Variants in IRX3 observed in about 807,000 individuals in gnomAD.
IRX3 encodes the protein iroquois-class homeodomain protein IRX-3.
IRX3 carries 20 observed loss-of-function variants against 36.4 expected under a neutral mutation model. That is an observed-to-expected ratio of 0.55 (90% CI 0.39 to 0.80). The LOEUF is 0.80. Among genes scored for constraint, IRX3 ranks in the 30% least tolerant of loss-of-function variants. IRX3 has a pLI of 0.00. For missense variants in IRX3, 718 were observed against 733.2 expected (o/e 0.98, Z 0.24); for synonymous variants, 404 against 351.6 (o/e 1.15, Z -1.67).
At position 54,286,099 on chromosome 16, in the gene IRX3, C is replaced by G; in HGVS notation, c.-49G>C. 1 of 1,215,960 alleles carries G rather than the reference C, an allele frequency of 8.2e-7. No homozygotes were observed. Among genetic ancestry groups the G allele is most frequent in the Non-Finnish European group, 1.0e-6 (1 of 970,522 alleles). The allele number at this position is 1,215,960 out of a possible 1,614,324, so 75.3% of individuals were successfully genotyped here. ...AGAGGGGGGCCGACCCCCGGGCCGC[C>G]CAGCTCAGCGCCGCCCGCGGGCTCC... On this transcript the variant is annotated 5_prime_UTR_variant, in exon 1 of 4. Coordinates refer to ENST00000329734, the MANE Select transcript of IRX3 (RefSeq NM_024336.3).
In IRX3 at chr16:54,285,568, C is replaced by T. The variant is rs1177235211; in HGVS notation, c.313G>A (p.Ala105Thr). Reference protein sequence around the residue: ...LKDSPGVQHPAAAAAFPHPHP... With the variant: ...LKDSPGVQHPTAAAAFPHPHP... ...GGGTGCGGAAACGCGGCAGCCGCGG[C>T]CGGATGCTGCACCCCGGGGCTGTCC... Residue 105 changes from alanine (A) to threonine (T), a missense_variant, in exon 2 of 4, where the codon GCC becomes ACC. By Grantham distance (58) the Ala-to-Thr change is moderately conservative (BLOSUM62 0). Transcript: ENST00000329734. The surrounding 1 kb of genome is among the most constrained non-coding windows in gnomAD (Gnocchi z 5.7). The T allele has an allele frequency of 2.5e-6, 4 of 1,586,360 alleles. No individual in the cohort carries two copies. The highest frequency in any genetic ancestry group is 3.4e-6 in the Non-Finnish European group (4 of 1,166,086).
At position 54,285,032 on chromosome 16, in the gene IRX3, T is replaced by C. The variant is rs749587099; in HGVS notation, c.849A>G (p.Gly283=). 21 of 1,613,480 alleles carry C rather than the reference T, an allele frequency of 1.3e-5. No individual in the cohort carries two copies. The South Asian group carries it at 1.9e-4, about 14-fold the overall frequency. ...CGCTATTTTTGGAGTCCGAAATGGG[T>C]CCCAGGCCTAGGTCGCCATCCCTGC... is the stretch of plus-strand genomic sequence containing the variant. ...AARRDGDLGL[G]PISDSKNSDS... Residue 283 remains glycine (G), a synonymous_variant, in exon 2 of 4, where the codon GGA becomes GGG. Transcript: ENST00000329734. This position sits in a 1 kb window ranked among gnomAD's most constrained non-coding sequence, Gnocchi z 5.7.
Position 54,284,348 on chromosome 16 carries a change from A to C in IRX3, c.1385-36T>G. ...CGGGGGAAGAAAAAGGAGGGCCTTT[A>C]GAGCGCTCGGTGCCGGCGCCCAGGG... On this transcript the variant is annotated intron_variant, in intron 2 of 3. Coordinates refer to ENST00000329734, the MANE Select transcript of IRX3 (RefSeq NM_024336.3). The surrounding 1 kb of genome is among the most constrained non-coding windows in gnomAD (Gnocchi z 4.0). The C allele has an allele frequency of 6.3e-7, 1 of 1,588,154 alleles. No individual in the cohort carries two copies. The highest frequency in any genetic ancestry group is 8.5e-7 in the Non-Finnish European group (1 of 1,169,748).
Position 54,284,696 on chromosome 16 carries a change from G to T in IRX3, c.1185C>A (p.His395Gln). 7.0e-7 allele frequency: 1 copy of T among 1,423,296 alleles called. No homozygotes were observed. Among genetic ancestry groups the T allele is most frequent in the South Asian group, 1.5e-5 (1 of 65,736 alleles). 88.2% of individuals were successfully genotyped at this position (1,423,296 alleles called of 1,614,324 possible). A position where few individuals can be genotyped will look rare whatever the true frequency, so the allele number is the denominator to read the frequency against. ...TGCCCAGCGGCGCTGAGACCAGTCTGTGAGCGGCGGCGGCGGCGGCGGCCG... is the reference window on the plus strand; with the variant it reads ...TGCCCAGCGGCGCTGAGACCAGTCTTTGAGCGGCGGCGGCGGCGGCGGCCG... ...LSPAAAAAAAHRLVSAPLGKF... is the reference protein window; with the variant it reads ...LSPAAAAAAAQRLVSAPLGKF... Residue 395 changes from histidine (H) to glutamine (Q), a missense_variant, in exon 2 of 4, where the codon CAC becomes CAA. Physicochemically the swap from His to Gln is conservative, Grantham distance 24. This residue lies in a region of IRX3 where 468 missense variants were observed against 462.1 expected (regional missense o/e 1.01). Coordinates refer to ENST00000329734, the MANE Select transcript of IRX3 (RefSeq NM_024336.3). The surrounding 1 kb of genome is among the most constrained non-coding windows in gnomAD (Gnocchi z 4.0).
In IRX3 at chr16:54,284,202, C is replaced by G; in HGVS notation, c.1451+44G>C. On this transcript the variant is annotated intron_variant, in intron 3 of 3. Coordinates refer to ENST00000329734, the MANE Select transcript of IRX3 (RefSeq NM_024336.3). This position sits in a 1 kb window ranked among gnomAD's most constrained non-coding sequence, Gnocchi z 4.0. ...TGGTGCTCGGCGTCCTCTCCTTTCC[C>G]CGCCAGCCAGTCCCCCTGGCCCCTC... The G allele has an allele frequency of 6.4e-7, 1 of 1,571,790 alleles. No individual in the cohort carries two copies. Among genetic ancestry groups the G allele is most frequent in the Non-Finnish European group, 8.7e-7 (1 of 1,146,248 alleles).
At position 54,286,379 on chromosome 16, in the gene IRX3, G is replaced by A; in HGVS notation, c.-329C>T. On this transcript the variant is annotated 5_prime_UTR_variant, in exon 1 of 4. Coordinates refer to ENST00000329734, the MANE Select transcript of IRX3 (RefSeq NM_024336.3). ...TCGGCCGCCGGAGCTGCCTCTGCCC[G>A]CTCCTCGCTCCTCACTGCCCTCCTC... 1.0e-6 allele frequency: 1 copy of A among 986,826 alleles called. No individual in the cohort carries two copies. Among genetic ancestry groups the A allele is most frequent in the Non-Finnish European group, 1.2e-6 (1 of 831,074 alleles). The allele number at this position is 986,826 out of a possible 1,614,324, so 61.1% of individuals were successfully genotyped here.
Position 54,286,096 on chromosome 16 carries a change from C to A in IRX3, c.-46G>T, listed in dbSNP as rs1328638869. ...CGGAGAGGGGGGCCGACCCCCGGGC[C>A]GCCCAGCTCAGCGCCGCCCGCGGGC... On this transcript the variant is annotated 5_prime_UTR_variant, in exon 1 of 4. Transcript: ENST00000329734. 4.1e-6 allele frequency: 5 copies of A among 1,216,380 alleles called. No individual in the cohort carries two copies. Among genetic ancestry groups the A allele is most frequent in the Admixed American group, 4.5e-5 (1 of 22,060 alleles). The allele number at this position is 1,216,380 out of a possible 1,614,324, so 75.3% of individuals were successfully genotyped here.
At position 54,283,468 on chromosome 16, in the gene IRX3, A is replaced by G; in HGVS notation, c.*218T>C. 1 of 485,894 alleles carries G rather than the reference A, an allele frequency of 2.1e-6. No homozygotes were observed. The highest frequency in any genetic ancestry group is 3.7e-6 in the Non-Finnish European group (1 of 267,926). 30.1% of individuals were successfully genotyped at this position (485,894 alleles called of 1,614,324 possible). ...ACCCCCCAAAATCAACCGGACAAAC[A>G]AACCTCACAGCGAATGCGGGGTGCC... On this transcript the variant is annotated 3_prime_UTR_variant, in exon 4 of 4. Coordinates refer to ENST00000329734, the MANE Select transcript of IRX3 (RefSeq NM_024336.3). This position sits in a 1 kb window ranked among gnomAD's most constrained non-coding sequence, Gnocchi z 4.4.
chr16:54,284,099 GA>G lies in IRX3; in HGVS notation c.1451+146del. ...TGTCGCAGGGCCGACAGGGGCGACT[GA>G]AAAAGTGACTTTCGTCCCCTTTTAC... On this transcript the variant is annotated intron_variant, in intron 3 of 3. Transcript: ENST00000329734. This position sits in a 1 kb window ranked among gnomAD's most constrained non-coding sequence, Gnocchi z 4.0. 1 of 1,135,270 alleles carries G rather than the reference GA, an allele frequency of 8.8e-7. No individual in the cohort carries two copies. The highest frequency in any genetic ancestry group is 1.2e-6 in the Non-Finnish European group (1 of 815,024). 70.3% of individuals were successfully genotyped at this position (1,135,270 alleles called of 1,614,324 possible). A position where few individuals can be genotyped will look rare whatever the true frequency, so the allele number is the denominator to read the frequency against.
Position 54,285,655 on chromosome 16 carries a change from C to G in IRX3, c.268-42G>C, listed in dbSNP as rs754727932. The G allele has an allele frequency of 2.7e-6, 4 of 1,475,196 alleles. No individual in the cohort carries two copies. Among genetic ancestry groups the G allele is most frequent in the South Asian group, 2.8e-5 (2 of 72,048 alleles). 91.4% of individuals were successfully genotyped at this position (1,475,196 alleles called of 1,614,324 possible). A position where few individuals can be genotyped will look rare whatever the true frequency, so the allele number is the denominator to read the frequency against. On this transcript the variant is annotated intron_variant, in intron 1 of 3. Transcript: ENST00000329734. The surrounding 1 kb of genome is among the most constrained non-coding windows in gnomAD (Gnocchi z 5.7). ...AAGGAAGGGACACGCGCGGAGGGAG[C>G]GCGAGTGAGCCCCAGCCATCGCTGC... is the stretch of plus-strand genomic sequence containing the variant.
rs1462704566 is a variant in IRX3, at chr16:54,283,713, C to A, written c.1479G>T (p.Leu493=). Residue 493 remains leucine (L), a synonymous_variant, in exon 4 of 4, where the codon CTG becomes CTT. Coordinates refer to ENST00000329734, the MANE Select transcript of IRX3 (RefSeq NM_024336.3). This position sits in a 1 kb window ranked among gnomAD's most constrained non-coding sequence, Gnocchi z 4.4. The part of the protein sequence containing the change: ...RRPQNHLDAA[L]VLSALSSS ...AGGATGAGGAGAGAGCCGATAAGACCAGGGCGGCGTCCAGATGGTTCTGGG... is the reference window on the plus strand; with the variant it reads ...AGGATGAGGAGAGAGCCGATAAGACAAGGGCGGCGTCCAGATGGTTCTGGG... The A allele has an allele frequency of 4.7e-6, 7 of 1,486,112 alleles. No individual in the cohort carries two copies. Among genetic ancestry groups the A allele is most frequent in the Non-Finnish European group, 6.6e-6 (7 of 1,064,076 alleles). 92.1% of individuals were successfully genotyped at this position (1,486,112 alleles called of 1,614,324 possible). A position where few individuals can be genotyped will look rare whatever the true frequency, so the allele number is the denominator to read the frequency against.
At position 54,283,848 on chromosome 16, in the gene IRX3, C is replaced by T; in HGVS notation, c.1452-108G>A. 6.4e-7 allele frequency: 1 copy of T among 1,553,224 alleles called. No individual in the cohort carries two copies. The highest frequency in any genetic ancestry group is 8.7e-7 in the Non-Finnish European group (1 of 1,149,622). ...TTGGGGCCGATCGTCAGGAAGGTGT[C>T]GCAATGTAAAATTATGTCCAGTTGT... On this transcript the variant is annotated intron_variant, in intron 3 of 3. Coordinates refer to ENST00000329734, the MANE Select transcript of IRX3 (RefSeq NM_024336.3). The surrounding 1 kb of genome is among the most constrained non-coding windows in gnomAD (Gnocchi z 4.4).
rs778668814 is a variant in IRX3 at position 54,284,363 on chromosome 16, G to A, written c.1385-51C>T. On this transcript the variant is annotated intron_variant, in intron 2 of 3. Transcript: ENST00000329734. The surrounding 1 kb of genome is among the most constrained non-coding windows in gnomAD (Gnocchi z 4.0). ...GAGGGCCTTTAGAGCGCTCGGTGCC[G>A]GCGCCCAGGGCCGCAGAAAGCAGGA... The A allele has an allele frequency of 1.9e-6, 3 of 1,561,014 alleles. No individual in the cohort carries two copies. The highest frequency in any genetic ancestry group is 2.6e-6 in the Non-Finnish European group (3 of 1,157,644).
chr16:54,285,670 G>A lies in IRX3; in HGVS notation c.268-57C>T. On this transcript the variant is annotated intron_variant, in intron 1 of 3. Transcript: ENST00000329734. The surrounding 1 kb of genome is among the most constrained non-coding windows in gnomAD (Gnocchi z 5.7). The stretch of plus-strand genomic sequence containing the variant: ...GCGGAGGGAGCGCGAGTGAGCCCCA[G>A]CCATCGCTGCCTCCCCCCTCCTGGC... 1 of 1,462,774 alleles carries A rather than the reference G, an allele frequency of 6.8e-7. No homozygotes were observed. Among genetic ancestry groups the A allele is most frequent in the Non-Finnish European group, 9.0e-7 (1 of 1,111,292 alleles). The allele number at this position is 1,462,774 out of a possible 1,614,324, so 90.6% of individuals were successfully genotyped here. A position where few individuals can be genotyped will look rare whatever the true frequency, so the allele number is the denominator to read the frequency against.
Position 54,285,174 on chromosome 16 carries a change from T to A in IRX3, c.707A>T (p.Glu236Val). The A allele has an allele frequency of 6.3e-7, 1 of 1,596,160 alleles. No homozygotes were observed. Among genetic ancestry groups the A allele is most frequent in the Non-Finnish European group, 8.5e-7 (1 of 1,171,334 alleles). ...GCCCTCGCCCCCCGTGTCCTCCTCC[T>A]CCCCCCCGAGCTCCTCCTCCTCCAG... ...LELEEEELGGEEEDTGGEGLA... is the reference protein window; with the variant it reads ...LELEEEELGGVEEDTGGEGLA... Residue 236 changes from glutamate to valine, a missense_variant, in exon 2 of 4, where the codon GAG becomes GTG. Physicochemically the swap from Glu to Val is moderately radical, Grantham distance 121 (BLOSUM62 -2). Around this residue, in one of 3 missense-constraint regions of IRX3, gnomAD observed 468 missense variants for 462.1 expected, o/e 1.01. Transcript: ENST00000329734. This position sits in a 1 kb window ranked among gnomAD's most constrained non-coding sequence, Gnocchi z 5.7.
rs1477107126 is a variant in IRX3 at position 54,283,648 on chromosome 16, A to C, written c.*38T>G. The C allele has an allele frequency of 1.0e-6, 1 of 997,232 alleles. No homozygotes were observed. Among genetic ancestry groups the C allele is most frequent in the African/African-American group, 1.6e-5 (1 of 61,060 alleles). 61.8% of individuals were successfully genotyped at this position (997,232 alleles called of 1,614,324 possible). On this transcript the variant is annotated 3_prime_UTR_variant, in exon 4 of 4. Transcript: ENST00000329734. The surrounding 1 kb of genome is among the most constrained non-coding windows in gnomAD (Gnocchi z 4.4). The stretch of plus-strand genomic sequence containing the variant: ...TTTTATACAATTATTACAACGATTA[A>C]AAAAAGTTTTTTTTGTTTTTTTGTT...
Position 54,285,969 on chromosome 16 carries a change from C to T in IRX3, c.82G>A (p.Gly28Ser). 1 of 1,387,650 alleles carries T rather than the reference C, an allele frequency of 7.2e-7. No individual in the cohort carries two copies. Among genetic ancestry groups the T allele is most frequent in the Non-Finnish European group, 9.3e-7 (1 of 1,072,518 alleles). 86.0% of individuals were successfully genotyped at this position (1,387,650 alleles called of 1,614,324 possible). ...AGGCCGCCCCGGGCCCCCGCGCTGC[C>T]GCCGCTGCCGCCAGCGGCCCCCGGG... ...ERPGAAGGSG[G>S]SAGARGGLGA... The change falls in exon 1 of 4, where the codon GGC becomes AGC. Residue 28 changes from glycine (G) to serine (S), a missense_variant. Transcript: ENST00000329734. The surrounding 1 kb of genome is among the most constrained non-coding windows in gnomAD (Gnocchi z 5.7).
In IRX3 at chr16:54,284,620, G is replaced by A. The variant is rs1039688103; in HGVS notation, c.1261C>T (p.Arg421Cys). The A allele has an allele frequency of 2.2e-6, 3 of 1,374,954 alleles. No individual in the cohort carries two copies. The highest frequency in any genetic ancestry group is 2.8e-6 in the Non-Finnish European group (3 of 1,074,486). The allele number at this position is 1,374,954 out of a possible 1,614,324, so 85.2% of individuals were successfully genotyped here. The change falls in exon 2 of 4, where the codon CGC (arginine) becomes TGC (cysteine). Residue 421 changes from arginine (R) to cysteine (C), a missense_variant. By Grantham distance (180) the Arg-to-Cys change is radical. Transcript: ENST00000329734. The surrounding 1 kb of genome is among the most constrained non-coding windows in gnomAD (Gnocchi z 4.0). ...CCCAGCAGGGAGAGCGGGTGCAGGC[G>A]GGGGCCGGGCGGTGGGCCTGGAAAC... ...RPFPGPPPGP[R>C]LHPLSLLGSA...
rs763022760 is a variant in IRX3, at chr16:54,285,386, G to T, written c.495C>A (p.Ile165=). The T allele has an allele frequency of 1.2e-6, 2 of 1,614,060 alleles. No homozygotes were observed. Among genetic ancestry groups the T allele is most frequent in the Non-Finnish European group, 1.7e-6 (2 of 1,180,040 alleles). The change falls in exon 2 of 4, where the codon ATC becomes ATA. Residue 165 remains isoleucine (I), a synonymous_variant. Coordinates refer to ENST00000329734, the MANE Select transcript of IRX3 (RefSeq NM_024336.3). The surrounding 1 kb of genome is among the most constrained non-coding windows in gnomAD (Gnocchi z 5.7). ...CCTGGGTGAGGGTCATCTTGGTGAT[G>T]ATGGCCAGCATGATCTTCTCGCCCT... is the stretch of plus-strand genomic sequence containing the variant. The part of the protein sequence containing the change: ...PTKGEKIMLA[I]ITKMTLTQVS...
Sources: gnomAD v4.1 joint callset for allele counts on GRCh38, gnomAD v4.1.1 for gene constraint, gnomAD v4.1.1 regional missense constraint, Gnocchi (gnomAD v3.1) non-coding constraint, MANE v1.5 for transcripts, NCBI Gene and HGNC (gene_info 2026-07-23, HGNC 2026-07-21) for gene names.